Variants in NIBAN2 observed in about 807,000 individuals in gnomAD.
The protein encoded by NIBAN2 is niban apoptosis regulator 2, also known as protein Niban 2.
In NIBAN2, 36 loss-of-function variants were observed where a neutral mutation model predicts 81.8. The ratio of observed to expected loss-of-function variants is 0.44; its 90% CI spans 0.34 to 0.58. The LOEUF is 0.58. Ranked by LOEUF, NIBAN2 falls within the 20% of genes least tolerant of loss-of-function variation. The probability of loss-of-function intolerance (pLI) is 0.02; values close to 1 mark genes in which losing one functional copy is unlikely to be tolerated. For synonymous variants in NIBAN2, 445 were observed against 441.6 expected, an observed-to-expected ratio of 1.01 and a Z score of -0.10; for missense variants, 897 against 1,014.1, an observed-to-expected ratio of 0.88 and a Z score of 1.57.
intron 3 of NIBAN2, 122 bp downstream of exon 3, chr9:127,527,072 G>T: frequency 8.1e-7 from 1 of 1,240,010 alleles, no homozygotes; most frequent in Non-Finnish European, 1.1e-6. Context: ...TGGTGCTCTG[G>T]CCCTGGTGAC....
rs575493458 is a variant in NIBAN2, at chr9:127,508,377, C to T, written c.1434+45G>A. On this transcript the variant is annotated intron_variant, in intron 11 of 13. Transcript: ENST00000373312. The surrounding 1 kb of genome is among the most constrained non-coding windows in gnomAD (Gnocchi z 6.4). ...GTGGCCGGGGATGAGGCTCGGGGCT[C>T]GGCCTCGCCTAGGACGGTCCGGGGC... 44 of 1,508,466 alleles carry T rather than the reference C, an allele frequency of 2.9e-5. No individual in the cohort carries two copies. Among genetic ancestry groups the T allele is most frequent in the African/African-American group, 2.7e-4 (20 of 73,118 alleles). The allele number at this position is 1,508,466 out of a possible 1,614,324, so 93.4% of individuals were successfully genotyped here. A position where few individuals can be genotyped will look rare whatever the true frequency, so the allele number is the denominator to read the frequency against.
At chr9:127,560,053 A>T (rs1837743267) in intron 1 of NIBAN2, among the ~76,000 whole-genome samples, 1 of 152,118 alleles carries the variant, frequency 6.6e-6, no homozygotes, top group South Asian at 2.1e-4. Context: ...CAGCATCTCA[A>T]ACCAGGTCCT....
rs762557929 is a variant in NIBAN2, at chr9:127,536,155, C to T, written c.56-4377G>A. Reference sequence around the variant, plus strand: ...TGTCCTCAGCCAGCATGGAAGGAACCGCCACGTGCTTTGTACAGAGGAAGT... The same window carrying T: ...TGTCCTCAGCCAGCATGGAAGGAACTGCCACGTGCTTTGTACAGAGGAAGT... On this transcript the variant is annotated intron_variant, in intron 1 of 13. Transcript: ENST00000373312. This position sits in a 1 kb window ranked among gnomAD's most constrained non-coding sequence, Gnocchi z 4.0. 6.6e-6 allele frequency among the ~76,000 whole-genome samples: 1 copy of T among 152,152 alleles called. No individual in the cohort carries two copies. Among genetic ancestry groups the T allele is most frequent in the African/African-American group, 2.4e-5 (1 of 41,430 alleles).
chr9:127,551,797 A>C (rs1381652668), intron 1 of NIBAN2, among the ~76,000 whole-genome samples: 2 of 152,100 alleles, frequency 1.3e-5, no homozygotes, highest in Non-Finnish European at 2.9e-5. Flanking sequence ...GGCTGGCAAG[A>C]ACCACAGCAC....
In NIBAN2 at chr9:127,506,717, G is replaced by A. The variant is rs1024541353; in HGVS notation, c.*128C>T. The A allele has an allele frequency of 8.1e-6, 6 of 744,272 alleles. No individual in the cohort carries two copies. Among genetic ancestry groups the A allele is most frequent in the East Asian group, 6.0e-5 (2 of 33,424 alleles). The allele number at this position is 744,272 out of a possible 1,614,324, so 46.1% of individuals were successfully genotyped here. On this transcript the variant is annotated 3_prime_UTR_variant, in exon 14 of 14. Coordinates refer to ENST00000373312, the MANE Select transcript of NIBAN2 (RefSeq NM_022833.4). ...GACTCAGGTGGGCCCGCTCCCTGGC[G>A]GTGCCACACAGCCCTGCCCCGCCTC... is the stretch of plus-strand genomic sequence containing the variant.
At chr9:127,548,442 C>G (rs933070448) in intron 1 of NIBAN2, among the ~76,000 whole-genome samples, 19 of 152,148 alleles carry the variant, frequency 1.2e-4, no homozygotes, top group African/African-American at 4.6e-4. Flanking sequence ...TCGTCCAGCT[C>G]TGCCGCCAAC....
chr9:127,569,193 C>G, upstream of NIBAN2: 3 of 514,010 alleles, frequency 5.8e-6, no homozygotes, highest in Non-Finnish European at 7.3e-6. Flanking sequence ...CGCGTCCCAC[C>G]CCGCCCCGCC....
Position 127,559,765 on chromosome 9 carries a change from G to A in NIBAN2, c.55+9055C>T, listed in dbSNP as rs1039350279. On this transcript the variant is annotated intron_variant, in intron 1 of 13. Transcript: ENST00000373312. This position sits in a 1 kb window ranked among gnomAD's most constrained non-coding sequence, Gnocchi z 4.0. Reference sequence around the variant, plus strand: ...ACTCCCTGGGCCCCCACCCCTGCACGTGGACCCTCTACCCAGCACCCTGAC... The same window carrying A: ...ACTCCCTGGGCCCCCACCCCTGCACATGGACCCTCTACCCAGCACCCTGAC... Among the ~76,000 whole-genome samples, 2 of 152,212 alleles carry A rather than the reference G, an allele frequency of 1.3e-5. No homozygotes were observed. The highest frequency in any genetic ancestry group is 1.9e-4 in the East Asian group (1 of 5,170).
intron 1 of NIBAN2, among the ~76,000 whole-genome samples, chr9:127,539,254 C>A (rs1308532411): frequency 2.0e-5 from 3 of 152,100 alleles, no homozygotes; most frequent in Non-Finnish European, 4.4e-5. Context: ...CCAAAGCCTG[C>A]ACAGAGCCCT....
intron 1 of NIBAN2, among the ~76,000 whole-genome samples, chr9:127,544,194 T>C (rs1837430846): frequency 6.6e-6 from 1 of 152,216 alleles, no homozygotes; most frequent in African/African-American, 2.4e-5. Flanking sequence ...TTCACTTCCG[T>C]ATCCCTGGTA....
intron 5 of NIBAN2, 65 bp downstream of exon 5, chr9:127,523,614 C>A: frequency 2.6e-6 from 4 of 1,533,010 alleles, no homozygotes; most frequent in African/African-American, 1.4e-5. Flanking sequence ...CTAGGTGTCA[C>A]CATTCAGCAA....
chr9:127,558,128 AAC>A (rs1451751328), intron 1 of NIBAN2, among the ~76,000 whole-genome samples: 1 of 152,058 alleles, frequency 6.6e-6, no homozygotes, highest in Non-Finnish European at 1.5e-5. Context: ...TTTTAAGTCC[AAC>A]ACAGCCCCTC....
At chr9:127,509,168 G>T in intron 9 of NIBAN2, 37 bp from the exon 10 acceptor site, 2 of 1,569,282 alleles carry the variant, frequency 1.3e-6, no homozygotes, top group Middle Eastern at 1.9e-4. Context: ...GAGCAGGGCC[G>T]CCCTGTGGCC....
At position 127,507,711 on chromosome 9, in the gene NIBAN2, C is replaced by T. The variant is rs1416475535; in HGVS notation, c.1654+156G>A. Among the ~76,000 whole-genome samples the T allele has an allele frequency of 1.3e-5, 2 of 152,190 alleles. No homozygotes were observed. Among genetic ancestry groups the T allele is most frequent in the Admixed American group, 6.5e-5 (1 of 15,284 alleles). ...CAGAGACGCAAGGCTAAGGCTGCTC[C>T]GGAGGCCACACAGCGAAGAGTGGGC... is the stretch of plus-strand genomic sequence containing the variant. On this transcript the variant is annotated intron_variant, in intron 13 of 13. Coordinates refer to ENST00000373312, the MANE Select transcript of NIBAN2 (RefSeq NM_022833.4). The surrounding 1 kb of genome is among the most constrained non-coding windows in gnomAD (Gnocchi z 6.8).
At chr9:127,560,651 C>A (rs1053759337) in intron 1 of NIBAN2, among the ~76,000 whole-genome samples, 3 of 152,220 alleles carry the variant, frequency 2.0e-5, no homozygotes, top group Non-Finnish European at 4.4e-5. Flanking sequence ...AGGAAGCACA[C>A]ACAGGCAGAC....
At chr9:127,532,897 C>T (rs758385357) in intron 1 of NIBAN2, among the ~76,000 whole-genome samples, 2 of 151,986 alleles carry the variant, frequency 1.3e-5, no homozygotes, top group African/African-American at 2.4e-5. Flanking sequence ...TGGCCAGGTG[C>T]GGTGGTTCAC....
upstream of NIBAN2, among the ~76,000 whole-genome samples, chr9:127,570,107 G>T (rs74982140): frequency 4.4e-3 from 673 of 152,254 alleles, 11 homozygotes; most frequent in East Asian, 0.065. Flanking sequence ...CTTTCTGCTT[G>T]TTGACCCCTG....
chr9:127,515,352 G>C (rs1461842017), intron 8 of NIBAN2, among the ~76,000 whole-genome samples: 1 of 151,766 alleles, frequency 6.6e-6, no homozygotes, highest in African/African-American at 2.4e-5. Context: ...AACCTTGTCT[G>C]TACTAAAAAA....
rs116131843 is a variant in NIBAN2 at position 127,541,978 on chromosome 9, T to C, written c.56-10200A>G. 6.0e-3 allele frequency among the ~76,000 whole-genome samples: 914 copies of C among 152,194 alleles called. 9 individuals carry two copies. The highest frequency in any genetic ancestry group is 0.021 in the African/African-American group (872 of 41,524). ...GCCAGTCAAGTGGCCACCCAGCCTG[T>C]GCCTCTAGTCACTGCCCCCCAGCCA... is the stretch of plus-strand genomic sequence containing the variant. On this transcript the variant is annotated intron_variant, in intron 1 of 13. Coordinates refer to ENST00000373312, the MANE Select transcript of NIBAN2 (RefSeq NM_022833.4).
Sources: allele counts gnomAD v4.1 joint callset (sites outside exome capture counted in the v4.1 genomes callset), GRCh38; gene constraint gnomAD v4.1.1; non-coding constraint Gnocchi (gnomAD v3.1); transcripts MANE v1.5; gene names NCBI Gene and HGNC (gene_info 2026-07-23, HGNC 2026-07-21).